Variants in PTPN6 observed in about 807,000 individuals in gnomAD.
PTPN6 encodes the protein protein tyrosine phosphatase non-receptor type 6.
PTPN6 carries 18 observed loss-of-function variants against 81.5 expected under a neutral mutation model. That is an observed-to-expected ratio of 0.22 (90% CI 0.15 to 0.33). The LOEUF is 0.33. PTPN6 is among the 10% of genes least tolerant of loss of function. PTPN6 has a pLI of 1.00. For synonymous variants in PTPN6, 301 were observed against 310.9 expected (o/e 0.97, Z 0.33); for missense variants, 500 against 794.2 (o/e 0.63, Z 4.45).
rs1555148529 is a variant in PTPN6, at chr12:6,955,690, C to T, written c.778C>T (p.His260Tyr). The change falls in exon 7 of 16, where the codon CAC becomes TAC. Residue 260 changes from histidine (H) to tyrosine (Y), a missense_variant. This residue lies in a region of PTPN6 where 96 missense variants were observed against 137.3 expected (regional missense o/e 0.70). Coordinates refer to ENST00000318974, the MANE Select transcript of PTPN6 (RefSeq NM_002831.6). This position sits in a 1 kb window ranked among gnomAD's most constrained non-coding sequence, Gnocchi z 7.2. ...GCAGAAGCAGGAGGTGAAGAACTTG[C>T]ACCAGCGTCTGGAAGGGCAGCGGCC... Reference protein sequence around the residue: ...SLQKQEVKNLHQRLEGQRPEN... With the variant: ...SLQKQEVKNLYQRLEGQRPEN... The T allele has an allele frequency of 6.2e-7, 1 of 1,614,064 alleles. No individual in the cohort carries two copies.
At position 6,951,474 on chromosome 12, in the gene PTPN6, T is replaced by G. The variant is rs782644131; in HGVS notation, c.-39T>G. The G allele has an allele frequency of 6.2e-7, 1 of 1,613,368 alleles. No homozygotes were observed. The highest frequency in any genetic ancestry group is 1.3e-5 in the African/African-American group (1 of 74,896). ...GCCTGCCCAGACTAGCTGCACCTCC[T>G]CATTCCCTGCGCCCCCTTCCTCTCC... On this transcript the variant is annotated 5_prime_UTR_variant, in exon 1 of 16. Coordinates refer to ENST00000318974, the MANE Select transcript of PTPN6 (RefSeq NM_002831.6). The surrounding 1 kb of genome is among the most constrained non-coding windows in gnomAD (Gnocchi z 7.2).
Position 6,956,461 on chromosome 12 carries a change from G to T in PTPN6, c.967G>T (p.Ala323Ser). The part of the protein sequence containing the change: ...GPDENAKTYI[A>S]SQGCLEATVN... ...TGATGAGAACGCTAAGACCTACATC[G>T]CCAGCCAGGGTTGTCTGGAGGCCAC... Residue 323 changes from alanine (A) to serine (S), a missense_variant, in exon 9 of 16, where the codon GCC becomes TCC. Transcript: ENST00000318974. The surrounding 1 kb of genome is among the most constrained non-coding windows in gnomAD (Gnocchi z 4.1). 1 of 1,614,056 alleles carries T rather than the reference G, an allele frequency of 6.2e-7. No individual in the cohort carries two copies. Among genetic ancestry groups the T allele is most frequent in the Non-Finnish European group, 8.5e-7 (1 of 1,180,016 alleles).
rs782020368 is a variant in PTPN6, at chr12:6,958,093, T to C, written c.1361+20T>C. 3.1e-6 allele frequency: 5 copies of C among 1,607,076 alleles called. No homozygotes were observed. The South Asian group carries it at 4.4e-5, about 14-fold the overall frequency. ...CTGCAGGTGAGGATGATAATCCTGA[T>C]GGTAGTAGTGACAGCTGAGAAGTAA... On this transcript the variant is annotated intron_variant, in intron 11 of 15. Transcript: ENST00000318974.
chr12:6,959,781 T>A lies in PTPN6; in HGVS notation c.1362-146T>A. On this transcript the variant is annotated intron_variant, in intron 11 of 15. Coordinates refer to ENST00000318974, the MANE Select transcript of PTPN6 (RefSeq NM_002831.6). This position sits in a 1 kb window ranked among gnomAD's most constrained non-coding sequence, Gnocchi z 6.6. ...GAGCTGGGCAAACCTCCATCATCAC[T>A]TGCCCGGTGACCCTGGGCACATTCC... 1 of 853,440 alleles carries A rather than the reference T, an allele frequency of 1.2e-6. No individual in the cohort carries two copies. Among genetic ancestry groups the A allele is most frequent in the Non-Finnish European group, 1.9e-6 (1 of 516,702 alleles). 52.9% of individuals were successfully genotyped at this position (853,440 alleles called of 1,614,324 possible).
Position 6,959,708 on chromosome 12 carries a change from G to A in PTPN6, c.1362-219G>A. Reference sequence around the variant, plus strand: ...AGGAGGGAAGGATGGTGGCAGCTGGGGAGCCAGCGTCAGCACCGCAGAGCC... The same window carrying A: ...AGGAGGGAAGGATGGTGGCAGCTGGAGAGCCAGCGTCAGCACCGCAGAGCC... On this transcript the variant is annotated intron_variant, in intron 11 of 15. Coordinates refer to ENST00000318974, the MANE Select transcript of PTPN6 (RefSeq NM_002831.6). This position sits in a 1 kb window ranked among gnomAD's most constrained non-coding sequence, Gnocchi z 6.6. 1 of 610,294 alleles carries A rather than the reference G, an allele frequency of 1.6e-6. No homozygotes were observed. The highest frequency in any genetic ancestry group is 2.9e-6 in the Non-Finnish European group (1 of 342,378). 37.8% of individuals were successfully genotyped at this position (610,294 alleles called of 1,614,324 possible). A position where few individuals can be genotyped will look rare whatever the true frequency, so the allele number is the denominator to read the frequency against.
chr12:6,959,787 G>A lies in PTPN6; in HGVS notation c.1362-140G>A, dbSNP rs1209819099. The A allele has an allele frequency of 5.0e-5, 45 of 892,516 alleles. No homozygotes were observed. The highest frequency in any genetic ancestry group is 6.6e-5 in the Non-Finnish European group (36 of 548,362). The allele number at this position is 892,516 out of a possible 1,614,324, so 55.3% of individuals were successfully genotyped here. On this transcript the variant is annotated intron_variant, in intron 11 of 15. Transcript: ENST00000318974. The surrounding 1 kb of genome is among the most constrained non-coding windows in gnomAD (Gnocchi z 6.6). ...GGCAAACCTCCATCATCACTTGCCCGGTGACCCTGGGCACATTCCCTCCCA... is the reference window on the plus strand; with the variant it reads ...GGCAAACCTCCATCATCACTTGCCCAGTGACCCTGGGCACATTCCCTCCCA...
Position 6,955,870 on chromosome 12 carries a change from C to A in PTPN6, c.844+114C>A. Reference sequence around the variant, plus strand: ...AGGAGGGGCCATCTCCCCACACCCCCCACAGAGCCTCCCCCTTCTCCAAAA... The same window carrying A: ...AGGAGGGGCCATCTCCCCACACCCCACACAGAGCCTCCCCCTTCTCCAAAA... On this transcript the variant is annotated intron_variant, in intron 7 of 15. Coordinates refer to ENST00000318974, the MANE Select transcript of PTPN6 (RefSeq NM_002831.6). The surrounding 1 kb of genome is among the most constrained non-coding windows in gnomAD (Gnocchi z 7.2). 9.8e-7 allele frequency: 1 copy of A among 1,015,250 alleles called. No homozygotes were observed. The highest frequency in any genetic ancestry group is 1.5e-6 in the Non-Finnish European group (1 of 654,624). The allele number at this position is 1,015,250 out of a possible 1,614,324, so 62.9% of individuals were successfully genotyped here. A position where few individuals can be genotyped will look rare whatever the true frequency, so the allele number is the denominator to read the frequency against.
upstream of PTPN6, among the ~76,000 whole-genome samples, chr12:6,948,052 G>A (rs1324457353): frequency 1.3e-5 from 2 of 151,954 alleles, no homozygotes; most frequent in East Asian, 3.9e-4. Context: ...TTGGGAGGCC[G>A]AAGGGGGAAG....
intron 3 of PTPN6, chr12:6,953,496 C>T (rs1366972297): frequency 6.6e-6 from 1 of 152,318 alleles, no homozygotes; most frequent in African/African-American, 2.4e-5. Flanking sequence ...AGGTTAAGAC[C>T]AGGGAAGCCG....
Position 6,960,264 on chromosome 12 carries a change from G to T in PTPN6, c.1581+25G>T, listed in dbSNP as rs370871743. On this transcript the variant is annotated intron_variant, in intron 13 of 15. Coordinates refer to ENST00000318974, the MANE Select transcript of PTPN6 (RefSeq NM_002831.6). The surrounding 1 kb of genome is among the most constrained non-coding windows in gnomAD (Gnocchi z 6.1). Reference sequence around the variant, plus strand: ...GGTGCGTGCAGAGCAGGGCCTGGGGGGGGGGGGGGCTGCAGTGCAGGATGG... The same window carrying T: ...GGTGCGTGCAGAGCAGGGCCTGGGGTGGGGGGGGGCTGCAGTGCAGGATGG... 284 of 1,543,066 alleles carry T rather than the reference G, an allele frequency of 1.8e-4. 4 individuals carry two copies. In the South Asian group the frequency reaches 2.6e-3, roughly 14 times the overall value.
chr12:6,951,153 C>A, upstream of PTPN6: 2 of 1,125,582 alleles, frequency 1.8e-6, no homozygotes, highest in Non-Finnish European at 2.4e-6. The surrounding 1 kb of genome is among the most constrained non-coding windows in gnomAD (Gnocchi z 7.2). Flanking sequence ...GTCCTTACTG[C>A]ATGTGTTGTC....
upstream of PTPN6, among the ~76,000 whole-genome samples, chr12:6,949,384 G>T (rs1451879200): frequency 6.6e-6 from 1 of 152,146 alleles, no homozygotes; most frequent in Admixed American, 6.6e-5. Context: ...TTCCATCATG[G>T]GCTGTGGCAG....
In PTPN6 at chr12:6,951,659, G is replaced by A; in HGVS notation, c.59G>A (p.Gly20Asp). The change falls in exon 2 of 16, where the codon GGC becomes GAC. Residue 20 changes from glycine (G) to aspartate (D), a missense_variant. Coordinates refer to ENST00000318974, the MANE Select transcript of PTPN6 (RefSeq NM_002831.6). The surrounding 1 kb of genome is among the most constrained non-coding windows in gnomAD (Gnocchi z 7.2). ...SGLDAETLLK[G>D]RGVHGSFLAR... Reference sequence around the variant, plus strand: ...CTGGATGCAGAGACCCTGCTCAAGGGCCGAGGTGTCCACGGTAGCTTCCTG... The same window carrying A: ...CTGGATGCAGAGACCCTGCTCAAGGACCGAGGTGTCCACGGTAGCTTCCTG... 6.2e-7 allele frequency: 1 copy of A among 1,613,754 alleles called. No homozygotes were observed. The highest frequency in any genetic ancestry group is 8.5e-7 in the Non-Finnish European group (1 of 1,179,962).
Position 6,959,936 on chromosome 12 carries a change from C to T in PTPN6, c.1371C>T (p.Ile457=), listed in dbSNP as rs782284633. The change falls in exon 12 of 16, where the codon ATC becomes ATT. Residue 457 remains isoleucine, a synonymous_variant. Transcript: ENST00000318974. The surrounding 1 kb of genome is among the most constrained non-coding windows in gnomAD (Gnocchi z 6.6). ...CCCCGTCTTTCCCCAGCGCCGGCATCGGCCGCACAGGCACCATCATTGTCA... is the reference window on the plus strand; with the variant it reads ...CCCCGTCTTTCCCCAGCGCCGGCATTGGCCGCACAGGCACCATCATTGTCA... ...GPIIVHCSAG[I]GRTGTIIVID... is the part of the protein sequence containing the mutation. 5.6e-6 allele frequency: 9 copies of T among 1,607,324 alleles called. No homozygotes were observed. Among genetic ancestry groups the T allele is most frequent in the Middle Eastern group, 2.2e-4 (1 of 4,490 alleles).
chr12:6,959,442 T>G lies in PTPN6; in HGVS notation c.1362-485T>G. On this transcript the variant is annotated intron_variant, in intron 11 of 15. Coordinates refer to ENST00000318974, the MANE Select transcript of PTPN6 (RefSeq NM_002831.6). This position sits in a 1 kb window ranked among gnomAD's most constrained non-coding sequence, Gnocchi z 6.6. Reference sequence around the variant, plus strand: ...CTTCCTACTGCACTGCTCCCCTGAGTCCCCTGACCCTGTGCCCCCGCACCC... The same window carrying G: ...CTTCCTACTGCACTGCTCCCCTGAGGCCCCTGACCCTGTGCCCCCGCACCC... 4.3e-6 allele frequency: 1 copy of G among 234,450 alleles called. No homozygotes were observed. Among genetic ancestry groups the G allele is most frequent in the Non-Finnish European group, 8.7e-6 (1 of 114,990 alleles). 14.5% of individuals were successfully genotyped at this position (234,450 alleles called of 1,614,324 possible).
rs1555147830 is a variant in PTPN6 at position 6,951,886 on chromosome 12, C to G, written c.132-97C>G. The G allele has an allele frequency of 1.3e-6, 2 of 1,546,482 alleles. No homozygotes were observed. The highest frequency in any genetic ancestry group is 1.4e-5 in the African/African-American group (1 of 73,486). On this transcript the variant is annotated intron_variant, in intron 2 of 15. Coordinates refer to ENST00000318974, the MANE Select transcript of PTPN6 (RefSeq NM_002831.6). This position sits in a 1 kb window ranked among gnomAD's most constrained non-coding sequence, Gnocchi z 7.2. ...ACTCCCCATCCCTGTCTGTGCCCAC[C>G]CATGCCCATGTGTGCCCCCACCCAG... is the stretch of plus-strand genomic sequence containing the variant.
In PTPN6 at chr12:6,960,946, G is replaced by T. The variant is rs111535406; in HGVS notation, c.*25+1G>T. The stretch of plus-strand genomic sequence containing the variant: ...GCGGTGCTGTCCTCAGGTGGCCATG[G>T]TACAGCTCTTCTGCCTGGGTGTCCT... On this transcript the variant is annotated splice_donor_variant, in intron 15 of 15. Transcript: ENST00000318974. LOFTEE classifies it low-confidence loss of function (3UTR_SPLICE). The surrounding 1 kb of genome is among the most constrained non-coding windows in gnomAD (Gnocchi z 6.1). The T allele has an allele frequency of 1.3e-6, 2 of 1,555,874 alleles. No homozygotes were observed. The highest frequency in any genetic ancestry group is 4.8e-5 in the East Asian group (2 of 41,318).
chr12:6,953,530 C>G (rs1555148087), intron 3 of PTPN6: 1 of 152,188 alleles, frequency 6.6e-6, no homozygotes, highest in African/African-American at 2.4e-5. Flanking sequence ...TTTGGGTGAC[C>G]CGTCCCAGGA....
At chr12:6,951,169 T>C (rs782226156), upstream of PTPN6, 32 of 1,259,558 alleles carry the variant, frequency 2.5e-5, no homozygotes, top group South Asian at 3.9e-4. The surrounding 1 kb of genome is among the most constrained non-coding windows in gnomAD (Gnocchi z 7.2). Context: ...TTGTCACATA[T>C]GTGCAATGCC....
Sources: allele counts gnomAD v4.1 joint callset (sites outside exome capture counted in the v4.1 genomes callset), GRCh38; gene constraint gnomAD v4.1.1; regional missense constraint gnomAD v4.1.1; non-coding constraint Gnocchi (gnomAD v3.1); transcripts MANE v1.5; gene names NCBI Gene and HGNC (gene_info 2026-07-23, HGNC 2026-07-21).